Variants in AVL9 observed in about 807,000 individuals in gnomAD.
The protein encoded by AVL9 is AVL9 cell migration associated.
Under a neutral mutation model 79.2 loss-of-function variants are expected in AVL9, and 49 were observed. The observed-to-expected ratio is 0.62, with a 90% CI of 0.49 to 0.79. AVL9 has a LOEUF of 0.79. AVL9 is among the 30% of genes least tolerant of loss of function. The pLI is 0.00. For missense variants in AVL9, 682 were observed against 776.8 expected (o/e 0.88, Z 1.45); for synonymous variants, 299 against 280.6 (o/e 1.07, Z -0.65).
At chr7:32,549,999 A>C (rs1789737823) in intron 4 of AVL9, among the ~76,000 whole-genome samples, 1 of 151,554 alleles carries the variant, frequency 6.6e-6, no homozygotes, top group African/African-American at 2.4e-5. Context: ...TTGATCAATT[A>C]TTCATCTGAT....
At chr7:32,505,341 T>C (rs1417434072) in intron 1 of AVL9, among the ~76,000 whole-genome samples, 4 of 151,506 alleles carry the variant, frequency 2.6e-5, no homozygotes, top group Non-Finnish European at 5.9e-5. Context: ...CTGGCCAACA[T>C]GGTGAAACCC....
At chr7:32,564,037 A>G (rs1185849516) in intron 10 of AVL9, among the ~76,000 whole-genome samples, 1 of 152,080 alleles carries the variant, frequency 6.6e-6, no homozygotes, top group Non-Finnish European at 1.5e-5. Context: ...TGACTTTGCT[A>G]TTTCACCGAC....
At chr7:32,536,576 A>G (rs1788920118) in intron 1 of AVL9, 2 of 152,124 alleles carry the variant, frequency 1.3e-5, no homozygotes, top group African/African-American at 4.8e-5. Context: ...ATTAGGGATT[A>G]TCAGATAGCA....
intron 1 of AVL9, chr7:32,532,567 GTTAAAA>G (rs1583530074): frequency 1.3e-5 from 2 of 152,000 alleles, no homozygotes; most frequent in South Asian, 4.1e-4. Context: ...CAATTTCTAC[GTTAAAA>G]TTAAAATACA....
At chr7:32,550,585 G>A (rs1789766971) in intron 4 of AVL9, among the ~76,000 whole-genome samples, 1 of 152,082 alleles carries the variant, frequency 6.6e-6, no homozygotes, top group Admixed American at 6.5e-5. Flanking sequence ...ATTAATTAGA[G>A]TATATATACA....
At position 32,554,567 on chromosome 7, in the gene AVL9, C is replaced by T; in HGVS notation, c.580C>T (p.Leu194=). The stretch of plus-strand genomic sequence containing the variant: ...TTTTTTCCTTTTGCAGGTCTTAATC[C>T]TATTTAAGCTAATTCTTCTTGAAAA... ...VLHFRHKVLI[L]FKLILLEKKV... Residue 194 remains leucine (L), a synonymous_variant, in exon 8 of 16, where the codon CTA becomes TTA. Transcript: ENST00000318709. 2 of 1,514,910 alleles carry T rather than the reference C, an allele frequency of 1.3e-6. No homozygotes were observed. The highest frequency in any genetic ancestry group is 9.0e-7 in the Non-Finnish European group (1 of 1,116,820). 93.8% of individuals were successfully genotyped at this position (1,514,910 alleles called of 1,614,324 possible).
chr7:32,512,251 A>G (rs950860575), intron 1 of AVL9, among the ~76,000 whole-genome samples: 5 of 152,202 alleles, frequency 3.3e-5, no homozygotes, highest in African/African-American at 1.2e-4. Flanking sequence ...TAACAGAGGC[A>G]GGGGCTTGGG....
chr7:32,535,781 A>G (rs1788877883), intron 1 of AVL9: 1 of 152,140 alleles, frequency 6.6e-6, no homozygotes, highest in African/African-American at 2.4e-5. Flanking sequence ...CCAGAATCTC[A>G]TCTTGAATTA....
At position 32,584,611 on chromosome 7, in the gene AVL9, G is replaced by GTGATGGTTCGA. The variant is rs1554349577; in HGVS notation, c.*709_*719dup. 6.6e-6 allele frequency: 1 copy of GTGATGGTTCGA among 152,434 alleles called. No homozygotes were observed. Among genetic ancestry groups the GTGATGGTTCGA allele is most frequent in the Non-Finnish European group, 1.5e-5 (1 of 68,256 alleles). 9.4% of individuals were successfully genotyped at this position (152,434 alleles called of 1,614,324 possible). On this transcript the variant is annotated 3_prime_UTR_variant, in exon 16 of 16. Transcript: ENST00000318709. ...GGTGGGTGTGCAGAGAAATAGCAGA[G>GTGATGGTTCGA]TGATGGTTCGATGATACTGAAGCAG...
chr7:32,575,930 CT>C (rs1475267870), intron 12 of AVL9, 24 bp from the exon 13 acceptor site: 12 of 1,539,622 alleles, frequency 7.8e-6, no homozygotes, highest in Non-Finnish European at 1.1e-5. Context: ...CCCAGCTCAA[CT>C]TCTTTCAAAC....
At chr7:32,524,508 C>G (rs1274235126) in intron 1 of AVL9, among the ~76,000 whole-genome samples, 2 of 145,478 alleles carry the variant, frequency 1.4e-5, no homozygotes, top group African/African-American at 5.1e-5. Flanking sequence ...GAGCGAGACT[C>G]CATCTTGTGG....
chr7:32,510,566 G>T (rs1302832369), intron 1 of AVL9, among the ~76,000 whole-genome samples: 2 of 143,200 alleles, frequency 1.4e-5, no homozygotes, highest in South Asian at 4.4e-4. Context: ...TCTCTCCAGG[G>T]TAAGATTTGT....
At chr7:32,510,596 TAGG>T (rs1033711892) in intron 1 of AVL9, among the ~76,000 whole-genome samples, 3 of 111,708 alleles carry the variant, frequency 2.7e-5, no homozygotes, top group Non-Finnish European at 3.7e-5. Flanking sequence ...GGTCTGGTTG[TAGG>T]AGTCCACAGT....
intron 3 of AVL9, among the ~76,000 whole-genome samples, chr7:32,546,083 T>TTTTTTTTTTTTTA (rs1554340432): frequency 1.2e-4 from 18 of 144,746 alleles, no homozygotes; most frequent in African/African-American, 4.3e-4. Flanking sequence ...TTTTTTTTTT[T>TTTTTTTTTTTTTA]AAATATCTGT....
chr7:32,507,899 C>T lies in AVL9; in HGVS notation c.93+12097C>T, dbSNP rs185685396. On this transcript the variant is annotated intron_variant, in intron 1 of 15. Coordinates refer to ENST00000318709, the MANE Select transcript of AVL9 (RefSeq NM_015060.3). Reference sequence around the variant, plus strand: ...CTTGCCAACACTGGGCATTGTCCATCCTTTTAATTACAGTAATTCTGGTGG... The same window carrying T: ...CTTGCCAACACTGGGCATTGTCCATTCTTTTAATTACAGTAATTCTGGTGG... 9.8e-3 allele frequency among the ~76,000 whole-genome samples: 1,488 copies of T among 152,272 alleles called. 12 individuals carry two copies. The highest frequency in any genetic ancestry group is 0.015 in the Non-Finnish European group (1,008 of 68,026).
intron 1 of AVL9, among the ~76,000 whole-genome samples, chr7:32,519,341 T>C (rs1788041140): frequency 1.3e-5 from 2 of 151,432 alleles, no homozygotes; most frequent in African/African-American, 4.9e-5. Context: ...GGCAGGAGAA[T>C]CGCTTGAACC....
Position 32,580,898 on chromosome 7 carries a change from A to G in AVL9, c.1831+8A>G, listed in dbSNP as rs745766123. The G allele has an allele frequency of 1.2e-6, 2 of 1,610,462 alleles. No homozygotes were observed. The highest frequency in any genetic ancestry group is 1.7e-6 in the Non-Finnish European group (2 of 1,177,218). The stretch of plus-strand genomic sequence containing the variant: ...AAACAGGAAAAGCTGTTGGTAAGAC[A>G]TGCCTTTAGCCAGGAACAAATTGGA... On this transcript the variant is annotated splice_region_variant and intron_variant, in intron 15 of 15. Transcript: ENST00000318709.
chr7:32,554,076 T>TC (rs1562784655), intron 7 of AVL9, among the ~76,000 whole-genome samples: 1 of 152,234 alleles, frequency 6.6e-6, no homozygotes, highest in East Asian at 1.9e-4. Context: ...GAAACATGTT[T>TC]TGATCTTGCA....
At chr7:32,581,425 GAAC>G (rs1791504496) in intron 15 of AVL9, 1 of 152,304 alleles carries the variant, frequency 6.6e-6, no homozygotes, top group African/African-American at 2.4e-5. Context: ...GGAATATTGT[GAAC>G]AACTTTATGC....
Sources: gnomAD v4.1 joint callset for allele counts (sites outside exome capture counted in the v4.1 genomes callset) on GRCh38, gnomAD v4.1.1 for gene constraint, MANE v1.5 for transcripts, NCBI Gene and HGNC (gene_info 2026-07-23, HGNC 2026-07-21) for gene names.